The following DGKG variants were observed in gnomAD, a reference collection of about 807,000 sequenced individuals.
The protein encoded by DGKG is DAG kinase gamma.
DGKG carries 78 observed loss-of-function variants against 105.3 expected under a neutral mutation model. The observed-to-expected ratio is 0.74, with a 90% CI of 0.62 to 0.89. The LOEUF (loss-of-function observed/expected upper bound fraction) is 0.89, where lower values mean the gene tolerates loss of function less well. DGKG is among the 40% of genes least tolerant of loss of function. DGKG has a pLI of 0.00. For synonymous variants in DGKG, 346 were observed against 367.1 expected (o/e 0.94, Z 0.66); for missense variants, 958 against 1,020.1 (o/e 0.94, Z 0.83).
intron 20 of DGKG, among the ~76,000 whole-genome samples, chr3:186,238,674 T>C (rs1172438148): frequency 6.6e-6 from 1 of 152,210 alleles, no homozygotes; most frequent in Non-Finnish European, 1.5e-5. Context: ...ATTAGCCTAT[T>C]GATAACTAGG....
At chr3:186,343,832 T>C (rs1182165807) in intron 1 of DGKG, among the ~76,000 whole-genome samples, 1 of 152,224 alleles carries the variant, frequency 6.6e-6, no homozygotes, top group African/African-American at 2.4e-5. Flanking sequence ...GTTTTAGCTC[T>C]TTTTGTCTTT....
chr3:186,321,260 C>A (rs1051696104), intron 1 of DGKG, among the ~76,000 whole-genome samples: 1 of 152,178 alleles, frequency 6.6e-6, no homozygotes, highest in Non-Finnish European at 1.5e-5. Context: ...CACTGAGCAT[C>A]TTTTCCTTTG....
At chr3:186,349,716 A>G (rs17196108) in intron 1 of DGKG, among the ~76,000 whole-genome samples, 15,796 of 152,154 alleles carry the variant, frequency 0.1, 847 homozygotes, top group Middle Eastern at 0.17. Context: ...TGTGTTTCCC[A>G]TTGCCTGCCT....
rs559963051 is a variant in DGKG at position 186,345,918 on chromosome 3, G to A, written c.-249+16028C>T. Among the ~76,000 whole-genome samples, 553 of 152,118 alleles carry A rather than the reference G, an allele frequency of 3.6e-3. 2 individuals carry two copies. Among genetic ancestry groups the A allele is most frequent in the Non-Finnish European group, 5.6e-3 (383 of 68,006 alleles). On this transcript the variant is annotated intron_variant, in intron 1 of 24. Coordinates refer to ENST00000265022, the MANE Select transcript of DGKG (RefSeq NM_001346.3). ...TGAGTAGCTGGGATTACAGGTGCCC[G>A]CCACCACGCCTGGCTAATTTTTGTA... is the stretch of plus-strand genomic sequence containing the variant.
intron 18 of DGKG, 92 bp from the exon 19 acceptor site, chr3:186,252,011 C>T: frequency 7.8e-7 from 1 of 1,278,506 alleles, no homozygotes. Flanking sequence ...AAGCCCAGGG[C>T]ATCTGTGACT....
rs1721044082 is a variant in DGKG, at chr3:186,248,299, G to A, written c.1761+3460C>T. On this transcript the variant is annotated intron_variant, in intron 19 of 24. Coordinates refer to ENST00000265022, the MANE Select transcript of DGKG (RefSeq NM_001346.3). The stretch of plus-strand genomic sequence containing the variant: ...TGAAGCTTCTGCAGGCAGCTGCGCT[G>A]TAACCTGCTGTCTAGAAGTTCCCAG... Among the ~76,000 whole-genome samples the A allele has an allele frequency of 3.3e-5, 5 of 152,376 alleles. No individual in the cohort carries two copies. In the South Asian group the frequency reaches 1.0e-3, roughly 32 times the overall value.
At chr3:186,237,301 G>A (rs1357074457) in intron 20 of DGKG, among the ~76,000 whole-genome samples, 2 of 152,220 alleles carry the variant, frequency 1.3e-5, no homozygotes, top group East Asian at 3.8e-4. Flanking sequence ...CCACACTTAA[G>A]AGGGCTCAGT....
In DGKG at chr3:186,148,556, G is replaced by C; in HGVS notation, c.*1534C>G. On this transcript the variant is annotated 3_prime_UTR_variant, in exon 25 of 25. Transcript: ENST00000265022. ...GATCCAAGTGGACTCACTTTTCAGT[G>C]ACCAGAAATGACCCTACTCTGAGAT... 1 of 985,394 alleles carries C rather than the reference G, an allele frequency of 1.0e-6. No individual in the cohort carries two copies. The highest frequency in any genetic ancestry group is 1.2e-6 in the Non-Finnish European group (1 of 829,932). 61.0% of individuals were successfully genotyped at this position (985,394 alleles called of 1,614,324 possible).
intron 21 of DGKG, among the ~76,000 whole-genome samples, chr3:186,190,914 G>C (rs1717875103): frequency 6.6e-6 from 1 of 152,184 alleles, no homozygotes; most frequent in Non-Finnish European, 1.5e-5. Context: ...TTTGGGGTAT[G>C]GCTGCTCTAT....
At chr3:186,358,341 T>C (rs1374687166) in intron 1 of DGKG, among the ~76,000 whole-genome samples, 2 of 152,232 alleles carry the variant, frequency 1.3e-5, no homozygotes, top group Admixed American at 1.3e-4. Flanking sequence ...GAAGGATGTT[T>C]CCGGACCTGA....
chr3:186,360,833 C>T (rs1470508948), intron 1 of DGKG, among the ~76,000 whole-genome samples: 5 of 152,228 alleles, frequency 3.3e-5, no homozygotes, highest in Non-Finnish European at 1.5e-5. Context: ...CTGGTGTTCA[C>T]CTCCAGATCC....
chr3:186,247,527 A>G (rs1721001222), intron 19 of DGKG, among the ~76,000 whole-genome samples: 1 of 152,212 alleles, frequency 6.6e-6, no homozygotes. Context: ...TCCTCGGTTT[A>G]CATACCTACT....
chr3:186,263,761 C>A (rs1283378583), intron 14 of DGKG, among the ~76,000 whole-genome samples: 4 of 151,918 alleles, frequency 2.6e-5, no homozygotes, highest in Non-Finnish European at 5.9e-5. Flanking sequence ...ACCAAGGACC[C>A]TATAGCACCA....
At chr3:186,263,216 A>G (rs1252949142) in intron 14 of DGKG, among the ~76,000 whole-genome samples, 1 of 152,142 alleles carries the variant, frequency 6.6e-6, no homozygotes, top group Non-Finnish European at 1.5e-5. Flanking sequence ...GCTCAATTCA[A>G]GAGACATCTC....
chr3:186,206,182 G>A (rs572984117), intron 21 of DGKG, among the ~76,000 whole-genome samples: 22 of 152,224 alleles, frequency 1.4e-4, no homozygotes, highest in Non-Finnish European at 2.1e-4. Flanking sequence ...TCAGGAGTTC[G>A]AGACCATCCT....
rs2108464321 is a variant in DGKG at position 186,149,164 on chromosome 3, T to TG, written c.*925_*926insC. 1 of 984,746 alleles carries TG rather than the reference T, an allele frequency of 1.0e-6. No homozygotes were observed. The highest frequency in any genetic ancestry group is 1.8e-5 in the African/African-American group (1 of 57,118). The allele number at this position is 984,746 out of a possible 1,614,324, so 61.0% of individuals were successfully genotyped here. On this transcript the variant is annotated 3_prime_UTR_variant, in exon 25 of 25. Coordinates refer to ENST00000265022, the MANE Select transcript of DGKG (RefSeq NM_001346.3). ...TTCCCATCTTTTCTGCCTTCAGGAA[T>TG]AGTCTGCCACCAGGGCTTGGAACTC...
chr3:186,223,571 A>T (rs1039742447), intron 20 of DGKG, among the ~76,000 whole-genome samples: 1 of 152,012 alleles, frequency 6.6e-6, no homozygotes, highest in East Asian at 1.9e-4. Flanking sequence ...CTGGATAAAT[A>T]CCCCCCTTCT....
intron 1 of DGKG, among the ~76,000 whole-genome samples, chr3:186,354,919 G>C (rs934760729): frequency 5.3e-5 from 8 of 152,068 alleles, no homozygotes; most frequent in Non-Finnish European, 1.0e-4. Context: ...TGAAGGCTTA[G>C]AACCAGATGT....
rs1464614409 is a variant in DGKG at position 186,147,764 on chromosome 3, C to G, written c.*2326G>C. 26 of 985,292 alleles carry G rather than the reference C, an allele frequency of 2.6e-5. No homozygotes were observed. The highest frequency in any genetic ancestry group is 2.9e-5 in the Non-Finnish European group (24 of 829,932). 61.0% of individuals were successfully genotyped at this position (985,292 alleles called of 1,614,324 possible). ...TTGGGGATCATGGCTGAAACACATG[C>G]ACGAACTTCTGTAAATGTCTTAGAA... On this transcript the variant is annotated 3_prime_UTR_variant, in exon 25 of 25. Coordinates refer to ENST00000265022, the MANE Select transcript of DGKG (RefSeq NM_001346.3).
Sources: allele counts gnomAD v4.1 joint callset (sites outside exome capture counted in the v4.1 genomes callset), GRCh38; gene constraint gnomAD v4.1.1; transcripts MANE v1.5; gene names NCBI Gene and HGNC (gene_info 2026-07-23, HGNC 2026-07-21).